PDK3: variants seen among roughly 807,000 people sequenced by gnomAD.
The protein encoded by PDK3 is pyruvate dehydrogenase kinase, isozyme 3.
PDK3 carries 12 observed loss-of-function variants against 32.0 expected under a neutral mutation model. That is an observed-to-expected ratio of 0.37 (90% CI 0.24 to 0.61). PDK3 has a LOEUF of 0.61. Ranked by LOEUF, PDK3 falls within the 20% of genes least tolerant of loss-of-function variation. The pLI, the probability that PDK3 is intolerant of heterozygous loss-of-function variation, is 0.65. For synonymous variants in PDK3, 122 were observed against 116.3 expected (o/e 1.05, Z -0.31); for missense variants, 188 against 316.9 (o/e 0.59, Z 3.09).
At chrX:24,502,696 T>A (rs1481765492) in intron 3 of PDK3, among the ~76,000 whole-genome samples, 3 of 110,769 alleles carry the variant, frequency 2.7e-5, no homozygotes, top group Non-Finnish European at 5.7e-5. Flanking sequence ...ATACAAAAAT[T>A]AGCCAGGCGT....
downstream of PDK3, among the ~76,000 whole-genome samples, chrX:24,535,362 G>A (rs1297613183): frequency 1.8e-5 from 2 of 110,185 alleles, no homozygotes; most frequent in South Asian, 3.9e-4. Context: ...AAAATTAGCC[G>A]GGTGTGGTGG....
chrX:24,519,072 T>C (rs1185052208), intron 6 of PDK3, 62 bp downstream of exon 6: 6 of 690,134 alleles, frequency 8.7e-6, no homozygotes, highest in Middle Eastern at 3.3e-4. Flanking sequence ...TGTTTATACC[T>C]AAGCCATATT....
chrX:24,510,637 C>T (rs1459041737), intron 5 of PDK3, among the ~76,000 whole-genome samples: 1 of 112,182 alleles, frequency 8.9e-6, no homozygotes, highest in Non-Finnish European at 1.9e-5. Flanking sequence ...ATGCCCATCA[C>T]ACACACCCTT....
chrX:24,468,042 T>C (rs1321631718), intron 1 of PDK3, among the ~76,000 whole-genome samples: 1 of 111,775 alleles, frequency 8.9e-6, no homozygotes, highest in Non-Finnish European at 1.9e-5. Flanking sequence ...CATGGGTACT[T>C]TACAAATGGG....
At chrX:24,532,033 A>AGG (rs1910783383) in intron 10 of PDK3, among the ~76,000 whole-genome samples, 1 of 111,973 alleles carries the variant, frequency 8.9e-6, no homozygotes, top group Non-Finnish European at 1.9e-5. Flanking sequence ...TGGGAGGCTG[A>AGG]GGTGGGTGGA....
intron 2 of PDK3, 21 bp from the exon 3 acceptor site, chrX:24,498,808 C>T (rs1555947738): frequency 1.6e-5 from 13 of 796,369 alleles, no homozygotes; most frequent in East Asian, 4.0e-5. Flanking sequence ...TCTTCTTTTT[C>T]TTTTTTTTTT....
In PDK3 at chrX:24,490,487, A is replaced by C. The variant is rs35610883; in HGVS notation, c.107-4255A>C. Among the ~76,000 whole-genome samples the C allele has an allele frequency of 3.3e-3, 365 of 110,355 alleles. 1 individual carries two copies. The highest frequency in any genetic ancestry group is 0.012 in the African/African-American group (354 of 30,235). On this transcript the variant is annotated intron_variant, in intron 1 of 10. Coordinates refer to ENST00000379162, the MANE Select transcript of PDK3 (RefSeq NM_005391.5). ...GTCATCAACGCCCCGCAGGACCATA[A>C]GCTTTTCTCTGAATCCTGAACTCAA...
At chrX:24,465,854 A>G (rs1298619385) in intron 1 of PDK3, among the ~76,000 whole-genome samples, 1 of 111,630 alleles carries the variant, frequency 9.0e-6, no homozygotes, top group African/African-American at 3.3e-5. Context: ...TGCTTGACAC[A>G]AACCTCACAG....
At chrX:24,471,295 G>A (rs1920989009) in intron 1 of PDK3, among the ~76,000 whole-genome samples, 2 of 112,569 alleles carry the variant, frequency 1.8e-5, no homozygotes, top group Non-Finnish European at 3.7e-5. Context: ...GCTGATGTGT[G>A]TATTTGGTCT....
intron 2 of PDK3, among the ~76,000 whole-genome samples, chrX:24,498,377 G>A (rs1451915547): frequency 9.0e-6 from 1 of 111,516 alleles, no homozygotes; most frequent in Non-Finnish European, 1.9e-5. Flanking sequence ...TTTCAGACTG[G>A]ATTCCCCCCT....
chrX:24,500,328 G>A (rs1434412571), intron 3 of PDK3, among the ~76,000 whole-genome samples: 1 of 112,371 alleles, frequency 8.9e-6, no homozygotes, highest in African/African-American at 3.2e-5. Flanking sequence ...CCGAGAGGAT[G>A]TGAGTAGGCT....
intron 1 of PDK3, among the ~76,000 whole-genome samples, chrX:24,492,787 T>G (rs994312381): frequency 1.8e-5 from 2 of 108,557 alleles, no homozygotes; most frequent in Non-Finnish European, 3.8e-5. Context: ...GGATCACGAG[T>G]CAGGAGATGG....
At chrX:24,493,545 G>T (rs1921625441) in intron 1 of PDK3, among the ~76,000 whole-genome samples, 1 of 111,361 alleles carries the variant, frequency 9.0e-6, no homozygotes, top group Non-Finnish European at 1.9e-5. Context: ...GCCTGGCCAT[G>T]ATGTTGCCCA....
intron 6 of PDK3, among the ~76,000 whole-genome samples, chrX:24,522,872 C>T (rs1421273123): frequency 9.3e-6 from 1 of 107,345 alleles, no homozygotes; most frequent in Non-Finnish European, 1.9e-5. Context: ...CGCCACTGCA[C>T]TCCAGCCTGG....
At chrX:24,501,637 G>A (rs1397147265) in intron 3 of PDK3, among the ~76,000 whole-genome samples, 8 of 112,438 alleles carry the variant, frequency 7.1e-5, no homozygotes, top group East Asian at 5.6e-4. Context: ...GCCTAAACGC[G>A]GGAGGCAGAG....
At chrX:24,526,490 T>C (rs1168378754) in intron 7 of PDK3, among the ~76,000 whole-genome samples, 1 of 112,471 alleles carries the variant, frequency 8.9e-6, no homozygotes, top group Non-Finnish European at 1.9e-5. Context: ...TACATATTGA[T>C]TTTGAAGCTT....
At chrX:24,508,675 C>T (rs916528740) in intron 5 of PDK3, among the ~76,000 whole-genome samples, 8 of 111,181 alleles carry the variant, frequency 7.2e-5, no homozygotes, top group African/African-American at 2.3e-4. Context: ...ACTCTTCTCT[C>T]ATATTTAGTA....
At chrX:24,531,535 C>T (rs1922649670) in intron 9 of PDK3, 122 bp from the exon 10 acceptor site, 2 of 452,963 alleles carry the variant, frequency 4.4e-6, no homozygotes, top group South Asian at 3.9e-5. Flanking sequence ...AAGGTTGAGT[C>T]AGTAATTTAT....
chrX:24,535,681 G>T (rs1465763331), downstream of PDK3, among the ~76,000 whole-genome samples: 5 of 109,734 alleles, frequency 4.6e-5, no homozygotes, highest in African/African-American at 1.3e-4. Context: ...TTGCAAATGA[G>T]ATTACACTAT....
Sources: gnomAD v4.1 joint callset for allele counts (sites outside exome capture counted in the v4.1 genomes callset) on GRCh38, gnomAD v4.1.1 for gene constraint, MANE v1.5 for transcripts, NCBI Gene and HGNC (gene_info 2026-07-23, HGNC 2026-07-21) for gene names.